Variants in STRN4 observed in about 807,000 individuals in gnomAD.
The protein encoded by STRN4 is striatin 4.
STRN4 carries 27 observed loss-of-function variants against 77.9 expected under a neutral mutation model. The observed-to-expected ratio is 0.35, with a 90% CI of 0.26 to 0.48. The LOEUF (loss-of-function observed/expected upper bound fraction) is 0.48, where lower values mean the gene tolerates loss of function less well. STRN4 is among the 20% of genes least tolerant of loss of function. The pLI is 0.99. For missense variants in STRN4, 798 were observed against 1,049.7 expected (o/e 0.76, Z 3.31); for synonymous variants, 466 against 443.1 (o/e 1.05, Z -0.65).
chr19:46,726,829 C>T (rs2054128247), intron 9 of STRN4, among the ~76,000 whole-genome samples: 1 of 152,140 alleles, frequency 6.6e-6, no homozygotes, highest in Non-Finnish European at 1.5e-5. Context: ...TCACTCACCC[C>T]CTCCCCTAGC....
Position 46,727,751 on chromosome 19 carries a change from G to C in STRN4, c.1153+143C>G. On this transcript the variant is annotated intron_variant, in intron 8 of 17. Coordinates refer to ENST00000263280, the MANE Select transcript of STRN4 (RefSeq NM_013403.3). ...AGACAAAAAGAGAGGGAGACAGACA[G>C]ACAGACGAACTTTTGGGGCAGGGAG... 3 of 820,208 alleles carry C rather than the reference G, an allele frequency of 3.7e-6. 1 individual carries two copies. In the South Asian group the frequency reaches 5.3e-5, roughly 15 times the overall value. The allele number at this position is 820,208 out of a possible 1,614,324, so 50.8% of individuals were successfully genotyped here. A position where few individuals can be genotyped will look rare whatever the true frequency, so the allele number is the denominator to read the frequency against.
intron 1 of STRN4, among the ~76,000 whole-genome samples, chr19:46,743,117 A>G (rs550227106): frequency 6.6e-6 from 1 of 152,364 alleles, no homozygotes; most frequent in Admixed American, 6.5e-5. Flanking sequence ...ATTATGTCAC[A>G]AAATGATACA....
chr19:46,726,232 T>C (rs999955725), intron 9 of STRN4: 6 of 153,024 alleles, frequency 3.9e-5, no homozygotes, highest in African/African-American at 1.4e-4. Flanking sequence ...CCCGGAGGAA[T>C]GCGCATTTCA....
Position 46,719,549 on chromosome 19 carries a change from A to T in STRN4, c.*856T>A, listed in dbSNP as rs549658885. The stretch of plus-strand genomic sequence containing the variant: ...TTTATTGAGACAAGTTTTCACATAC[A>T]AGATGGGGACAGAGGGGTTGGGGCT... On this transcript the variant is annotated 3_prime_UTR_variant, in exon 18 of 18. Transcript: ENST00000263280. 6.5e-6 allele frequency: 1 copy of T among 152,722 alleles called. No homozygotes were observed. The highest frequency in any genetic ancestry group is 2.4e-5 in the African/African-American group (1 of 41,534). The allele number at this position is 152,722 out of a possible 1,614,324, so 9.5% of individuals were successfully genotyped here. A position where few individuals can be genotyped will look rare whatever the true frequency, so the allele number is the denominator to read the frequency against.
rs765799930 is a variant in STRN4 at position 46,738,924 on chromosome 19, G to C, written c.283-36C>G. 3 of 1,581,066 alleles carry C rather than the reference G, an allele frequency of 1.9e-6. No homozygotes were observed. The highest frequency in any genetic ancestry group is 4.5e-5 in the East Asian group (2 of 44,722). ...AGACAGGAGGCAAAGGGAGATAATG[G>C]GGCTCAGGCTCAATGCCGGTGTGTC... On this transcript the variant is annotated intron_variant, in intron 1 of 17. Transcript: ENST00000263280. This position sits in a 1 kb window ranked among gnomAD's most constrained non-coding sequence, Gnocchi z 4.5.
intron 9 of STRN4, among the ~76,000 whole-genome samples, chr19:46,726,965 C>G (rs2054131611): frequency 6.6e-6 from 1 of 152,124 alleles, no homozygotes; most frequent in Non-Finnish European, 1.5e-5. Context: ...ACAGCAGTCC[C>G]CACCCAGCCT....
Position 46,738,985 on chromosome 19 carries a change from A to C in STRN4, c.283-97T>G, listed in dbSNP as rs1005952908. 6.5e-5 allele frequency: 65 copies of C among 1,003,230 alleles called. No individual in the cohort carries two copies. The highest frequency in any genetic ancestry group is 2.3e-4 in the East Asian group (9 of 39,762). 62.1% of individuals were successfully genotyped at this position (1,003,230 alleles called of 1,614,324 possible). A position where few individuals can be genotyped will look rare whatever the true frequency, so the allele number is the denominator to read the frequency against. ...CCAGGTATAGTGCCAGCCCACAGTC[A>C]CCCCACAGTAATGGGCAGCAGCCAC... On this transcript the variant is annotated intron_variant, in intron 1 of 17. Transcript: ENST00000263280. This position sits in a 1 kb window ranked among gnomAD's most constrained non-coding sequence, Gnocchi z 4.5.
Position 46,727,982 on chromosome 19 carries a change from G to C in STRN4, c.1065C>G (p.Gly355=). The C allele has an allele frequency of 6.2e-7, 1 of 1,614,070 alleles. No homozygotes were observed. The highest frequency in any genetic ancestry group is 8.5e-7 in the Non-Finnish European group (1 of 1,179,988). ...ELESRRVKLQ[G]ILADLRDVDG... ...CCACATCCCGCAGGTCAGCCAGAAT[G>C]CCTTGGAGTTTGACCCGACGGCTTT... The change falls in exon 8 of 18, where the codon GGC becomes GGG. Residue 355 remains glycine (G), a synonymous_variant. Transcript: ENST00000263280.
At position 46,730,655 on chromosome 19, in the gene STRN4, G is replaced by A. The variant is rs1316637373; in HGVS notation, c.879+77C>T. On this transcript the variant is annotated intron_variant, in intron 6 of 17. Transcript: ENST00000263280. ...GCCAGCACACACCGCAGCCCCTGAA[G>A]GCCCAGGCTGACTCGGAAGGGCTTC... The A allele has an allele frequency of 3.8e-6, 6 of 1,572,858 alleles. No homozygotes were observed. The Admixed American group carries it at 5.1e-5, about 13-fold the overall frequency.
Position 46,720,259 on chromosome 19 carries a change from A to C in STRN4, c.*146T>G. On this transcript the variant is annotated 3_prime_UTR_variant, in exon 18 of 18. Transcript: ENST00000263280. ...GCCGTTGGGGAGGGATTCCTGGGGAAAGGGCCGTTAGCACCACCAGGCTCC... is the reference window on the plus strand; with the variant it reads ...GCCGTTGGGGAGGGATTCCTGGGGACAGGGCCGTTAGCACCACCAGGCTCC... 1.9e-5 allele frequency: 4 copies of C among 207,340 alleles called. No homozygotes were observed. Among genetic ancestry groups the C allele is most frequent in the Non-Finnish European group, 3.8e-5 (4 of 104,146 alleles). 12.8% of individuals were successfully genotyped at this position (207,340 alleles called of 1,614,324 possible).
chr19:46,745,172 C>G (rs967661554), intron 1 of STRN4, among the ~76,000 whole-genome samples: 2 of 152,086 alleles, frequency 1.3e-5, no homozygotes, highest in African/African-American at 4.8e-5. Flanking sequence ...CACCTCCATA[C>G]TGGACATGCC....
rs2054615466 is a variant in STRN4 at position 46,746,362 on chromosome 19, G to C, written c.69C>G (p.Gly23=). ...AASSCRPLGS[G]AGPGPTGAAP... is the part of the protein sequence containing the mutation. ...CCGCCCCAGTGGGGCCAGGGCCCGC[G>C]CCTGAGCCGAGCGGACGGCAGGAGG... is the stretch of plus-strand genomic sequence containing the variant. Residue 23 remains glycine (G), a synonymous_variant, in exon 1 of 18, where the codon GGC becomes GGG. Coordinates refer to ENST00000263280, the MANE Select transcript of STRN4 (RefSeq NM_013403.3). 8.6e-7 allele frequency: 1 copy of C among 1,168,336 alleles called. No individual in the cohort carries two copies. The highest frequency in any genetic ancestry group is 1.1e-6 in the Non-Finnish European group (1 of 949,044). The allele number at this position is 1,168,336 out of a possible 1,614,324, so 72.4% of individuals were successfully genotyped here.
intron 1 of STRN4, chr19:46,739,590 C>G (rs1488031737): frequency 6.5e-6 from 1 of 152,944 alleles, no homozygotes; most frequent in African/African-American, 2.4e-5. Context: ...CCACTGCCTT[C>G]CAGGCAGGAT....
In STRN4 at chr19:46,725,586, G is replaced by A. The variant is rs1209665673; in HGVS notation, c.1311C>T (p.His437=). The change falls in exon 10 of 18, where the codon CAC becomes CAT. Residue 437 remains histidine, a synonymous_variant. Coordinates refer to ENST00000263280, the MANE Select transcript of STRN4 (RefSeq NM_013403.3). ...AGGCCAGGGAACGAATGCCGTCGTA[G>A]TGCGAGCGCAGGGTGAACTTGGGGT... ...TWNPKFTLRS[H]YDGIRSLAFH... The A allele has an allele frequency of 6.2e-7, 1 of 1,614,216 alleles. No homozygotes were observed. Among genetic ancestry groups the A allele is most frequent in the South Asian group, 1.1e-5 (1 of 91,086 alleles).
intron 4 of STRN4, among the ~76,000 whole-genome samples, chr19:46,734,386 GCA>G (rs1489361726): frequency 2.0e-5 from 3 of 152,142 alleles, no homozygotes; most frequent in Non-Finnish European, 4.4e-5. Flanking sequence ...GTTATTGTTT[GCA>G]CACACTTTAA....
intron 11 of STRN4, 111 bp downstream of exon 11, chr19:46,725,221 C>A: frequency 2.1e-6 from 3 of 1,436,704 alleles, no homozygotes; most frequent in South Asian, 2.4e-5. Context: ...GGACTCAGAG[C>A]CCCCTGCTGT....
At chr19:46,735,326 A>C (rs569301796) in intron 4 of STRN4, among the ~76,000 whole-genome samples, 4 of 152,026 alleles carry the variant, frequency 2.6e-5, no homozygotes, top group Non-Finnish European at 4.4e-5. Context: ...AAAATAAATA[A>C]ATAAATAAGT....
Position 46,728,011 on chromosome 19 carries a change from C to A in STRN4, c.1040-4G>T. The A allele has an allele frequency of 6.2e-7, 1 of 1,613,218 alleles. No individual in the cohort carries two copies. Among genetic ancestry groups the A allele is most frequent in the Non-Finnish European group, 8.5e-7 (1 of 1,179,692 alleles). On this transcript the variant is annotated splice_region_variant and splice_polypyrimidine_tract_variant and intron_variant, in intron 7 of 17. Transcript: ENST00000263280. ...TGGAGTTTGACCCGACGGCTTTCTG[C>A]AGGGTCGAGGCATAGGGCCGGAGTC...
At chr19:46,740,400 T>G (rs1262514794) in intron 1 of STRN4, 1 of 152,130 alleles carries the variant, frequency 6.6e-6, no homozygotes, top group East Asian at 1.9e-4. Flanking sequence ...CCAACACATA[T>G]GTATATAAAC....
Sources: gnomAD v4.1 joint callset for allele counts (sites outside exome capture counted in the v4.1 genomes callset) on GRCh38, gnomAD v4.1.1 for gene constraint, Gnocchi (gnomAD v3.1) non-coding constraint, MANE v1.5 for transcripts, NCBI Gene and HGNC (gene_info 2026-07-23, HGNC 2026-07-21) for gene names.